The following KCNN3 variants were observed in gnomAD, a reference collection of about 807,000 sequenced individuals.
KCNN3 encodes the protein potassium calcium-activated channel subfamily N member 3.
In KCNN3, 16 loss-of-function variants were observed where a neutral mutation model predicts 62.9. The ratio of observed to expected loss-of-function variants is 0.25; its 90% confidence interval spans 0.17 to 0.39. The LOEUF is 0.39. Among genes scored for constraint, KCNN3 ranks in the 10% least tolerant of loss-of-function variants. KCNN3 has a pLI of 1.00. For missense variants in KCNN3, 599 were observed against 949.4 expected (o/e 0.63, Z 4.85); for synonymous variants, 370 against 389.2 (o/e 0.95, Z 0.58).
chr1:154,726,502 C>T (rs989777682), intron 4 of KCNN3, among the ~76,000 whole-genome samples: 2 of 152,196 alleles, frequency 1.3e-5, no homozygotes, highest in African/African-American at 4.8e-5. Flanking sequence ...AGATGGAACA[C>T]CTGCCAGTGG....
intron 3 of KCNN3, chr1:154,737,140 T>G (rs1700727720): frequency 1.6e-6 from 1 of 636,612 alleles, no homozygotes; most frequent in South Asian, 1.5e-5. Context: ...TTCACAATTT[T>G]AGAGCGGTTT....
chr1:154,868,939 TCTCTCTCTCTC>T, intron 1 of KCNN3, 82 bp downstream of exon 1: 1 of 1,156,324 alleles, frequency 8.6e-7, no homozygotes, highest in Non-Finnish European at 1.3e-6. Flanking sequence ...TCTCTCTCAA[TCTCTCTCTCTC>T]ACAATCCCCC....
intron 1 of KCNN3, among the ~76,000 whole-genome samples, chr1:154,830,088 G>C (rs1455888791): frequency 6.6e-6 from 1 of 152,162 alleles, no homozygotes; most frequent in African/African-American, 2.4e-5. Context: ...TTTGAAGGAA[G>C]GGAGCAAAAT....
At position 154,818,046 on chromosome 1, in the gene KCNN3, C is replaced by G. The variant is rs7546820; in HGVS notation, c.1029+4043G>C. 4.6e-4 allele frequency among the ~76,000 whole-genome samples: 70 copies of G among 152,282 alleles called. 1 individual carries two copies. Among genetic ancestry groups the G allele is most frequent in the African/African-American group, 1.6e-3 (67 of 41,540 alleles). ...GCTAAACCACAGAAGTAAATGGACT[C>G]TCCAAGGGAGAGCATGGTTTTCAGT... On this transcript the variant is annotated intron_variant, in intron 2 of 7. Transcript: ENST00000271915.
chr1:154,854,078 A>C (rs1035265134), intron 1 of KCNN3, among the ~76,000 whole-genome samples: 1 of 151,718 alleles, frequency 6.6e-6, no homozygotes, highest in African/African-American at 2.4e-5. Context: ...TACTAAAAAT[A>C]CAAAAAATTA....
At chr1:154,713,598 G>T in intron 6 of KCNN3, 65 bp from the exon 7 acceptor site, 1 of 1,331,644 alleles carries the variant, frequency 7.5e-7, no homozygotes, top group Non-Finnish European at 1.1e-6. Context: ...CCCACCAGCA[G>T]ATCCTCCAGC....
intron 3 of KCNN3, among the ~76,000 whole-genome samples, chr1:154,745,398 G>A (rs1400238120): frequency 6.6e-6 from 1 of 152,224 alleles, no homozygotes; most frequent in East Asian, 1.9e-4. Context: ...TTTTCTCACC[G>A]AGGTGGTGGC....
Position 154,821,205 on chromosome 1 carries a change from T to G in KCNN3, c.1029+884A>C, listed in dbSNP as rs1016781857. Among the ~76,000 whole-genome samples the G allele has an allele frequency of 2.0e-5, 3 of 152,094 alleles. No individual in the cohort carries two copies. In the East Asian group the frequency reaches 5.8e-4, roughly 29 times the overall value. ...GACCCCAGTTTTTCTGACTCTGAGC[T>G]CTGGTCTTCGTCAATCTCTCGCCTG... is the stretch of plus-strand genomic sequence containing the variant. On this transcript the variant is annotated intron_variant, in intron 2 of 7. Coordinates refer to ENST00000271915, the MANE Select transcript of KCNN3 (RefSeq NM_002249.6).
chr1:154,779,191 C>T (rs575167029), intron 2 of KCNN3, among the ~76,000 whole-genome samples: 15 of 152,274 alleles, frequency 9.9e-5, no homozygotes, highest in Admixed American at 6.5e-4. Context: ...CCCACAGAAA[C>T]GTGACCTAAA....
chr1:154,757,561 C>A (rs144206809), intron 3 of KCNN3, among the ~76,000 whole-genome samples: 1 of 152,202 alleles, frequency 6.6e-6, no homozygotes, highest in African/African-American at 2.4e-5. Context: ...CCCTGGGTCT[C>A]GCTCCCTAAT....
intron 4 of KCNN3, 88 bp downstream of exon 4, chr1:154,732,915 G>T: frequency 1.3e-6 from 2 of 1,481,488 alleles, no homozygotes; most frequent in Non-Finnish European, 1.9e-6. Flanking sequence ...CCGCTCTGCG[G>T]CTAGGAAGGC....
rs942503939 is a variant in KCNN3 at position 154,698,090 on chromosome 1, T to G, written c.*9886A>C. On this transcript the variant is annotated 3_prime_UTR_variant, in exon 8 of 8. Coordinates refer to ENST00000271915, the MANE Select transcript of KCNN3 (RefSeq NM_002249.6). ...GAAGAGCTTTAAGGAATGACAGCAG[T>G]AGAAATGCAGCTAGATATATTTTTG... 1 of 152,212 alleles carries G rather than the reference T, an allele frequency of 6.6e-6. No individual in the cohort carries two copies. Among genetic ancestry groups the G allele is most frequent in the Non-Finnish European group, 1.5e-5 (1 of 68,038 alleles). 9.4% of individuals were successfully genotyped at this position (152,212 alleles called of 1,614,324 possible).
intron 2 of KCNN3, among the ~76,000 whole-genome samples, chr1:154,815,864 G>A (rs1029356911): frequency 2.6e-5 from 4 of 152,124 alleles, no homozygotes; most frequent in Non-Finnish European, 5.9e-5. Context: ...TTCTTTCAGG[G>A]GAAGACACCA....
At chr1:154,734,124 T>C (rs540589508) in intron 3 of KCNN3, among the ~76,000 whole-genome samples, 3 of 152,296 alleles carry the variant, frequency 2.0e-5, no homozygotes, top group South Asian at 2.1e-4. Flanking sequence ...CAGAGAACCC[T>C]AATGAAAGCC....
At chr1:154,758,640 G>A (rs954385061) in intron 3 of KCNN3, among the ~76,000 whole-genome samples, 3 of 152,146 alleles carry the variant, frequency 2.0e-5, no homozygotes, top group African/African-American at 7.2e-5. Flanking sequence ...TGCAGTGGGG[G>A]GCAAGCAGGC....
intron 3 of KCNN3, among the ~76,000 whole-genome samples, chr1:154,735,041 G>C (rs1026163425): frequency 6.6e-6 from 1 of 152,222 alleles, no homozygotes; most frequent in African/African-American, 2.4e-5. Flanking sequence ...GGAATTCTGG[G>C]AGAAGAAGCT....
At chr1:154,740,239 C>T (rs1700799966) in intron 3 of KCNN3, among the ~76,000 whole-genome samples, 1 of 152,132 alleles carries the variant, frequency 6.6e-6, no homozygotes, top group Admixed American at 6.5e-5. Flanking sequence ...CGGGTTTTTC[C>T]TCTAATGAGA....
At position 154,753,291 on chromosome 1, in the gene KCNN3, T is replaced by A. The variant is rs150620841; in HGVS notation, c.1448+18684A>T. Among the ~76,000 whole-genome samples, 3 of 151,862 alleles carry A rather than the reference T, an allele frequency of 2.0e-5. No homozygotes were observed. In the East Asian group the frequency reaches 5.8e-4, roughly 29 times the overall value. On this transcript the variant is annotated intron_variant, in intron 3 of 7. Coordinates refer to ENST00000271915, the MANE Select transcript of KCNN3 (RefSeq NM_002249.6). ...CCACCCCACCCCTCGAAAACAGACATCATGGCATTCAAGGACAATGAGCCG... is the reference window on the plus strand; with the variant it reads ...CCACCCCACCCCTCGAAAACAGACAACATGGCATTCAAGGACAATGAGCCG...
intron 2 of KCNN3, among the ~76,000 whole-genome samples, chr1:154,815,408 A>G (rs1650621465): frequency 6.6e-6 from 1 of 152,128 alleles, no homozygotes; most frequent in Admixed American, 6.5e-5. Context: ...TGCAGGGCAC[A>G]GCATCATCTC....
Sources: gnomAD v4.1 joint callset for allele counts (sites outside exome capture counted in the v4.1 genomes callset) on GRCh38, gnomAD v4.1.1 for gene constraint, MANE v1.5 for transcripts, NCBI Gene and HGNC (gene_info 2026-07-23, HGNC 2026-07-21) for gene names.